Variants in SEMA3A observed in about 807,000 individuals in gnomAD.
SEMA3A encodes the protein semaphorin-3A.
Under a neutral mutation model 97.9 loss-of-function variants are expected in SEMA3A, and 29 were observed. That is an observed-to-expected ratio of 0.30 (90% CI 0.22 to 0.40). SEMA3A has a LOEUF of 0.40. SEMA3A is among the 10% of genes least tolerant of loss of function. The pLI is 1.00. For synonymous variants in SEMA3A, 321 were observed against 323.7 expected (o/e 0.99, Z 0.09); for missense variants, 763 against 951.3 (o/e 0.80, Z 2.60).
chr7:84,407,880 T>C (rs538606177), intron 1 of SEMA3A, among the ~76,000 whole-genome samples: 2 of 152,138 alleles, frequency 1.3e-5, no homozygotes, highest in Non-Finnish European at 2.9e-5. Context: ...TTACACCTTA[T>C]ACAAAAATTA....
At chr7:84,174,714 GAT>G (rs1209726139) in intron 1 of SEMA3A, among the ~76,000 whole-genome samples, 5 of 152,088 alleles carry the variant, frequency 3.3e-5, no homozygotes, top group African/African-American at 1.2e-4. Flanking sequence ...TAAATAAAGA[GAT>G]AGAACAAATG....
chr7:84,335,330 G>C (rs1379328537), intron 2 of SEMA3A, among the ~76,000 whole-genome samples: 1 of 151,998 alleles, frequency 6.6e-6, no homozygotes, highest in Non-Finnish European at 1.5e-5. Context: ...TTATTCTTCA[G>C]ATATTTTGTA....
At chr7:84,300,256 T>C (rs1324899500) in intron 3 of SEMA3A, among the ~76,000 whole-genome samples, 2 of 151,710 alleles carry the variant, frequency 1.3e-5, no homozygotes, top group Non-Finnish European at 2.9e-5. Flanking sequence ...ATGCATATAT[T>C]TCATATATAT....
chr7:84,309,351 A>C (rs533554947), intron 2 of SEMA3A, among the ~76,000 whole-genome samples: 1 of 152,290 alleles, frequency 6.6e-6, no homozygotes, highest in African/African-American at 2.4e-5. Flanking sequence ...CTGACATAAA[A>C]TGAGAAAATG....
chr7:84,198,274 C>A (rs1798283607), upstream of SEMA3A, among the ~76,000 whole-genome samples: 1 of 152,042 alleles, frequency 6.6e-6, no homozygotes, highest in African/African-American at 2.4e-5. Context: ...CGACTCACCG[C>A]AACCTCCACC....
intron 12 of SEMA3A, among the ~76,000 whole-genome samples, chr7:83,989,784 G>T (rs1239515877): frequency 2.0e-5 from 3 of 149,094 alleles, no homozygotes; most frequent in Non-Finnish European, 4.5e-5. Context: ...ACATACGTGT[G>T]CATGTGTCTT....
intron 1 of SEMA3A, among the ~76,000 whole-genome samples, chr7:84,456,791 A>C (rs533243622): frequency 1.3e-5 from 2 of 151,988 alleles, no homozygotes; most frequent in African/African-American, 4.8e-5. Flanking sequence ...GTACACAAAC[A>C]AACACAAGGC....
intron 4 of SEMA3A, among the ~76,000 whole-genome samples, chr7:84,080,124 G>A (rs1794098943): frequency 7.4e-6 from 1 of 135,676 alleles, no homozygotes; most frequent in Non-Finnish European, 1.5e-5. Context: ...AACACTGCAT[G>A]TTCTCACTCA....
rs1016462217 is a variant in SEMA3A at position 84,172,706 on chromosome 7, G to A, written c.112+21769C>T. Among the ~76,000 whole-genome samples the A allele has an allele frequency of 1.1e-4, 17 of 152,184 alleles. No individual in the cohort carries two copies. In the East Asian group the frequency reaches 2.1e-3, roughly 19 times the overall value. The stretch of plus-strand genomic sequence containing the variant: ...CTCCCAAAGTGCTGGGATTACAGGC[G>A]TGGGCCACTGCACCCAGCCTGCTTT... On this transcript the variant is annotated intron_variant, in intron 1 of 16. Coordinates refer to ENST00000265362, the MANE Select transcript of SEMA3A (RefSeq NM_006080.3).
intron 1 of SEMA3A, among the ~76,000 whole-genome samples, chr7:84,160,335 T>A (rs763723600): frequency 2.6e-5 from 4 of 151,802 alleles, no homozygotes; most frequent in Admixed American, 6.6e-5. Context: ...TATATTAACC[T>A]TAAAATAACT....
Position 84,013,505 on chromosome 7 carries a change from T to C in SEMA3A, c.810+704A>G, listed in dbSNP as rs527585265. Among the ~76,000 whole-genome samples, 26 of 151,804 alleles carry C rather than the reference T, an allele frequency of 1.7e-4. No individual in the cohort carries two copies. The South Asian group carries it at 5.0e-3, about 29-fold the overall frequency. On this transcript the variant is annotated intron_variant, in intron 7 of 16. Coordinates refer to ENST00000265362, the MANE Select transcript of SEMA3A (RefSeq NM_006080.3). ...ATCAGTTTGTAAAAACGAGCTTTCA[T>C]GTTTTTCTCTCTTAAATGAATACTT...
rs150573463 is a variant in SEMA3A, at chr7:84,003,432, C to T, written c.1361-1386G>A. Among the ~76,000 whole-genome samples the T allele has an allele frequency of 1.8e-3, 274 of 152,210 alleles. 1 individual carries two copies. The highest frequency in any genetic ancestry group is 6.8e-3 in the Middle Eastern group (2 of 294). On this transcript the variant is annotated intron_variant, in intron 11 of 16. Transcript: ENST00000265362. The stretch of plus-strand genomic sequence containing the variant: ...AGATTACTCAACTAGGATCAATATA[C>T]TATGATGTGCAACTTAGTTAAAAGA...
upstream of SEMA3A, among the ~76,000 whole-genome samples, chr7:84,198,454 A>G (rs1188891231): frequency 1.3e-5 from 2 of 151,896 alleles, no homozygotes; most frequent in Non-Finnish European, 2.9e-5. Context: ...CACCCACCTC[A>G]GCCTCCCAAA....
intron 1 of SEMA3A, among the ~76,000 whole-genome samples, chr7:84,376,133 T>A (rs929471272): frequency 6.6e-6 from 1 of 152,318 alleles, no homozygotes; most frequent in Non-Finnish European, 1.5e-5. Flanking sequence ...TCTAGGCTAT[T>A]GTGAATAGTG....
intron 1 of SEMA3A, among the ~76,000 whole-genome samples, chr7:84,455,244 A>T (rs1805660747): frequency 6.6e-6 from 1 of 151,954 alleles, no homozygotes. Flanking sequence ...AAAGGTTAAA[A>T]ATAAAACAGG....
At chr7:84,397,773 C>T (rs1480020998) in intron 1 of SEMA3A, among the ~76,000 whole-genome samples, 5 of 151,926 alleles carry the variant, frequency 3.3e-5, no homozygotes, top group Admixed American at 3.3e-4. Context: ...CAGACAAAAC[C>T]TTCTAGGTAA....
intron 4 of SEMA3A, among the ~76,000 whole-genome samples, chr7:84,087,311 A>AT (rs1794412119): frequency 6.6e-6 from 1 of 152,190 alleles, no homozygotes; most frequent in Non-Finnish European, 1.5e-5. Context: ...AAATGCAAAA[A>AT]GTCCCATCTG....
chr7:84,371,771 AC>A (rs1802983791), intron 2 of SEMA3A: 1 of 151,982 alleles, frequency 6.6e-6, no homozygotes, highest in South Asian at 2.1e-4. Flanking sequence ...AAAGTCAAAC[AC>A]CAAGCAAAGA....
chr7:84,375,650 G>T (rs1372897677), intron 1 of SEMA3A, among the ~76,000 whole-genome samples: 9 of 152,096 alleles, frequency 5.9e-5, no homozygotes, highest in Non-Finnish European at 1.3e-4. Flanking sequence ...AGGTTAATTA[G>T]TATATTCATC....
Sources: gnomAD v4.1 joint callset for allele counts (sites outside exome capture counted in the v4.1 genomes callset) on GRCh38, gnomAD v4.1.1 for gene constraint, MANE v1.5 for transcripts, NCBI Gene and HGNC (gene_info 2026-07-23, HGNC 2026-07-21) for gene names.